The following PAXBP1 variants were observed in gnomAD, a reference collection of about 807,000 sequenced individuals.
The protein encoded by PAXBP1 is PAX3- and PAX7-binding protein 1.
In PAXBP1, 44 loss-of-function variants were observed where a neutral mutation model predicts 119.9. The ratio of observed to expected loss-of-function variants is 0.37; its 90% CI spans 0.29 to 0.47. The LOEUF (loss-of-function observed/expected upper bound fraction) is 0.47, where lower values mean the gene tolerates loss of function less well. PAXBP1 is among the 20% of genes least tolerant of loss of function. PAXBP1 has a pLI of 0.99. For synonymous variants in PAXBP1, 393 were observed against 406.6 expected (o/e 0.97, Z 0.40); for missense variants, 898 against 1,134.1 (o/e 0.79, Z 2.99).
In PAXBP1 at chr21:32,769,680, T is replaced by G. The variant is rs897841043; in HGVS notation, c.472+134A>C. 8 of 761,158 alleles carry G rather than the reference T, an allele frequency of 1.1e-5. No homozygotes were observed. In the African/African-American group the frequency reaches 1.5e-4, roughly 14 times the overall value. The allele number at this position is 761,158 out of a possible 1,614,324, so 47.2% of individuals were successfully genotyped here. On this transcript the variant is annotated intron_variant, in intron 2 of 17. Transcript: ENST00000331923. ...CTGTGTTACAATTAAATAACAGAAC[T>G]GTACTGCTACTCAATAAGGGCCCTT...
chr21:32,735,867 G>A (rs1028524573), intron 17 of PAXBP1, among the ~76,000 whole-genome samples: 1 of 152,222 alleles, frequency 6.6e-6, no homozygotes, highest in Non-Finnish European at 1.5e-5. Flanking sequence ...CAGAATTGTA[G>A]TAAGCACCTA....
chr21:32,761,575 T>A (rs2044147805), intron 4 of PAXBP1, among the ~76,000 whole-genome samples: 2 of 152,258 alleles, frequency 1.3e-5, no homozygotes, highest in Non-Finnish European at 2.9e-5. Context: ...AAAACACTTG[T>A]ACCCAAGAAT....
intron 5 of PAXBP1, 102 bp downstream of exon 5, chr21:32,760,957 T>C: frequency 1.2e-6 from 1 of 833,810 alleles, no homozygotes; most frequent in Non-Finnish European, 1.9e-6. Context: ...TTTTGTTACT[T>C]GAAATGAATG....
Position 32,738,176 on chromosome 21 carries a change from T to G in PAXBP1, c.2478A>C (p.Gln826His). 1 of 1,570,524 alleles carries G rather than the reference T, an allele frequency of 6.4e-7. No individual in the cohort carries two copies. The highest frequency in any genetic ancestry group is 8.6e-7 in the Non-Finnish European group (1 of 1,166,086). ...CTGTACTATGCATTTAACTCACATT[T>G]TGGGCTTTTTTGATGCTGTCATCTC... ...EYGDDSIKKA[Q>H]NVINCFPKQW... Residue 826 changes from glutamine to histidine, a missense_variant, in exon 16 of 18, where the codon CAA becomes CAC. By Grantham distance (24) the Gln-to-His change is conservative. This residue lies in a region of PAXBP1 where 599 missense variants were observed against 852.7 expected (regional missense o/e 0.70). Coordinates refer to ENST00000331923, the MANE Select transcript of PAXBP1 (RefSeq NM_016631.4).
At chr21:32,768,045 T>C (rs2044272902) in intron 2 of PAXBP1, among the ~76,000 whole-genome samples, 1 of 152,206 alleles carries the variant, frequency 6.6e-6, no homozygotes, top group Admixed American at 6.5e-5. Context: ...AGACACCCTA[T>C]GGTTTGAGTG....
intron 6 of PAXBP1, 71 bp downstream of exon 6, chr21:32,759,706 C>T (rs2146508864): frequency 1.5e-6 from 2 of 1,297,912 alleles, no homozygotes; most frequent in Non-Finnish European, 2.2e-6. Flanking sequence ...GCATCTGCTA[C>T]CCCAGACTAC....
intron 3 of PAXBP1, among the ~76,000 whole-genome samples, 180 bp downstream of exon 3, chr21:32,764,168 A>G (rs140685821): frequency 4.5e-4 from 69 of 152,338 alleles, no homozygotes; most frequent in Non-Finnish European, 5.4e-4. Flanking sequence ...AAACTTGGAA[A>G]AGTTGGGAAA....
At chr21:32,755,409 G>A in intron 7 of PAXBP1, 56 bp from the exon 8 acceptor site, 1 of 1,591,584 alleles carries the variant, frequency 6.3e-7, no homozygotes. Context: ...TTATTTATTT[G>A]AGGGTTCCAT....
intron 2 of PAXBP1, among the ~76,000 whole-genome samples, chr21:32,768,624 C>A (rs1031234357): frequency 2.0e-5 from 3 of 152,156 alleles, no homozygotes; most frequent in Non-Finnish European, 4.4e-5. Context: ...TCAAAGCTGG[C>A]CCTTGAGTTT....
intron 8 of PAXBP1, 53 bp from the exon 9 acceptor site, chr21:32,751,271 A>G: frequency 1.3e-6 from 2 of 1,556,994 alleles, no homozygotes. Flanking sequence ...AATCTTGAGG[A>G]AAGAGTTTGC....
intron 2 of PAXBP1, among the ~76,000 whole-genome samples, chr21:32,765,108 C>T (rs1230529527): frequency 1.3e-5 from 2 of 152,224 alleles, no homozygotes; most frequent in Non-Finnish European, 2.9e-5. Flanking sequence ...GACCCCACTA[C>T]CACGACTCAA....
Position 32,748,534 on chromosome 21 carries a change from T to C in PAXBP1, c.1888A>G (p.Ile630Val), listed in dbSNP as rs771961954. ...LCLPKLFNPLIRLQLLTWTPL... is the reference protein window; with the variant it reads ...LCLPKLFNPLVRLQLLTWTPL... ...GTCCAAGTGAGGAGCTGAAGTCGTA[T>C]GAGGGGGTTGAATAATTTTGGCAAA... The change falls in exon 11 of 18, where the codon ATA becomes GTA. Residue 630 changes from isoleucine (I) to valine (V), a missense_variant. Coordinates refer to ENST00000331923, the MANE Select transcript of PAXBP1 (RefSeq NM_016631.4). 5 of 1,614,030 alleles carry C rather than the reference T, an allele frequency of 3.1e-6. No homozygotes were observed. In the East Asian group the frequency reaches 1.1e-4, roughly 36 times the overall value.
chr21:32,751,385 T>G, intron 8 of PAXBP1, 167 bp from the exon 9 acceptor site: 2 of 548,570 alleles, frequency 3.6e-6, no homozygotes, highest in Non-Finnish European at 6.5e-6. Flanking sequence ...ATTTCATTAT[T>G]ATTCTGCGTT....
At position 32,743,449 on chromosome 21, in the gene PAXBP1, G is replaced by A. The variant is rs947318455; in HGVS notation, c.2268-135C>T. ...TAATTTTTCAAATAATTGCATTCTG[G>A]AAGATAGTATGTTAAAAAGGCAATG... On this transcript the variant is annotated intron_variant, in intron 14 of 17. Coordinates refer to ENST00000331923, the MANE Select transcript of PAXBP1 (RefSeq NM_016631.4). 4.2e-6 allele frequency: 3 copies of A among 711,610 alleles called. No individual in the cohort carries two copies. In the South Asian group the frequency reaches 6.2e-5, roughly 15 times the overall value. The allele number at this position is 711,610 out of a possible 1,614,324, so 44.1% of individuals were successfully genotyped here. A position where few individuals can be genotyped will look rare whatever the true frequency, so the allele number is the denominator to read the frequency against.
intron 2 of PAXBP1, among the ~76,000 whole-genome samples, chr21:32,767,447 CA>C (rs2044260295): frequency 6.6e-6 from 1 of 152,190 alleles, no homozygotes; most frequent in Admixed American, 6.5e-5. Context: ...TCATCAACTT[CA>C]CACTTGTTTC....
chr21:32,744,679 G>C, intron 13 of PAXBP1, 113 bp downstream of exon 13: 1 of 1,163,672 alleles, frequency 8.6e-7, no homozygotes, highest in Non-Finnish European at 1.2e-6. Context: ...GATGGCCCAA[G>C]TGGGAGAACC....
chr21:32,743,772 G>A lies in PAXBP1; in HGVS notation c.2191-18C>T. ...AGGTATACCTAAAAAGTTAAAAGTA[G>A]ATCACACATTTTAATAAGGACTATG... On this transcript the variant is annotated intron_variant, in intron 13 of 17. Coordinates refer to ENST00000331923, the MANE Select transcript of PAXBP1 (RefSeq NM_016631.4). 7.3e-7 allele frequency: 1 copy of A among 1,363,230 alleles called. No individual in the cohort carries two copies. Among genetic ancestry groups the A allele is most frequent in the Non-Finnish European group, 1.0e-6 (1 of 968,466 alleles). 84.4% of individuals were successfully genotyped at this position (1,363,230 alleles called of 1,614,324 possible). A position where few individuals can be genotyped will look rare whatever the true frequency, so the allele number is the denominator to read the frequency against.
Position 32,743,286 on chromosome 21 carries a change from A to G in PAXBP1, c.2296T>C (p.Tyr766His). 6.3e-7 allele frequency: 1 copy of G among 1,576,666 alleles called. No individual in the cohort carries two copies. Among genetic ancestry groups the G allele is most frequent in the Non-Finnish European group, 8.6e-7 (1 of 1,169,446 alleles). ...NVLENKNSGP[Y>H]LFFQRQFWSS... is the part of the protein sequence containing the mutation. ...CAAAACTGTCGTTGAAAAAACAAGT[A>G]AGGCCCAGAATTTTTATTTTCTAAG... The change falls in exon 15 of 18, where the codon TAC becomes CAC. Residue 766 changes from tyrosine to histidine, a missense_variant. Tyr to His is a moderately conservative substitution (Grantham distance 83, BLOSUM62 2). Coordinates refer to ENST00000331923, the MANE Select transcript of PAXBP1 (RefSeq NM_016631.4).
rs1219339315 is a variant in PAXBP1 at position 32,771,681 on chromosome 21, C to T, written c.-13G>A. 1.0e-5 allele frequency: 14 copies of T among 1,392,832 alleles called. No individual in the cohort carries two copies. Among genetic ancestry groups the T allele is most frequent in the African/African-American group, 1.5e-5 (1 of 65,962 alleles). 86.3% of individuals were successfully genotyped at this position (1,392,832 alleles called of 1,614,324 possible). A position where few individuals can be genotyped will look rare whatever the true frequency, so the allele number is the denominator to read the frequency against. ...CCTTTCGGAACATCCCCGCGGCCCG[C>T]ACGGCGGTCGAATACTCGCTTCCAC... On this transcript the variant is annotated 5_prime_UTR_variant, in exon 1 of 18. Coordinates refer to ENST00000331923, the MANE Select transcript of PAXBP1 (RefSeq NM_016631.4).
Sources: allele counts gnomAD v4.1 joint callset (sites outside exome capture counted in the v4.1 genomes callset), GRCh38; gene constraint gnomAD v4.1.1; regional missense constraint gnomAD v4.1.1; transcripts MANE v1.5; gene names NCBI Gene and HGNC (gene_info 2026-07-23, HGNC 2026-07-21).